The following RBFOX1 variants were observed in gnomAD, a reference collection of about 807,000 sequenced individuals.
RBFOX1 encodes the protein RNA binding protein fox-1 homolog 1.
A neutral mutation model predicts 57.7 loss-of-function variants in RBFOX1; 8 were observed. That is an observed-to-expected ratio of 0.14 (90% CI 0.08 to 0.25). RBFOX1 has a LOEUF of 0.25. RBFOX1 is among the 10% of genes least tolerant of loss of function. The probability of loss-of-function intolerance (pLI) is 1.00; values close to 1 mark genes in which losing one functional copy is unlikely to be tolerated. For synonymous variants in RBFOX1, 326 were observed against 222.4 expected (o/e 1.47, Z -4.15); for missense variants, 611 against 548.5 (o/e 1.11, Z -1.14).
intron 3 of RBFOX1, among the ~76,000 whole-genome samples, chr16:6,882,212 C>A (rs2063088951): frequency 6.6e-6 from 1 of 152,036 alleles, no homozygotes. Flanking sequence ...CAACACTGGG[C>A]AATTTATTTG....
chr16:7,455,540 C>G (rs762313737), intron 4 of RBFOX1, among the ~76,000 whole-genome samples: 1 of 151,938 alleles, frequency 6.6e-6, no homozygotes, highest in Non-Finnish European at 1.5e-5. Flanking sequence ...GCCTGTAATC[C>G]TAGCACATTG....
intron 4 of RBFOX1, among the ~76,000 whole-genome samples, chr16:7,417,896 C>T (rs1410460294): frequency 6.6e-6 from 1 of 152,130 alleles, no homozygotes; most frequent in East Asian, 1.9e-4. Context: ...CTCCCTTTTC[C>T]TGCAGATGTA....
At chr16:6,928,192 G>C (rs1055604148) in intron 3 of RBFOX1, among the ~76,000 whole-genome samples, 1 of 152,152 alleles carries the variant, frequency 6.6e-6, no homozygotes, top group Non-Finnish European at 1.5e-5. Flanking sequence ...GGGAGTGTTA[G>C]AAAAGATTGA....
At chr16:7,132,867 C>A (rs534142834) in intron 4 of RBFOX1, among the ~76,000 whole-genome samples, 4 of 152,204 alleles carry the variant, frequency 2.6e-5, no homozygotes, top group Admixed American at 1.3e-4. Flanking sequence ...AATGCTGCCA[C>A]GTGGTGATAA....
chr16:6,141,694 T>A (rs2096717206), intron 1 of RBFOX1, among the ~76,000 whole-genome samples: 1 of 151,876 alleles, frequency 6.6e-6, no homozygotes, highest in African/African-American at 2.4e-5. Flanking sequence ...TACTGTAATA[T>A]TACAATAAGT....
chr16:5,975,773 G>A (rs1010478796), intron 4 of RBFOX1, among the ~76,000 whole-genome samples: 1 of 152,204 alleles, frequency 6.6e-6, no homozygotes, highest in Non-Finnish European at 1.5e-5. Flanking sequence ...GCTTTGGGTA[G>A]AGCAGTTGTA....
At chr16:6,138,498 T>A in intron 1 of RBFOX1, among the ~76,000 whole-genome samples, 1 of 152,166 alleles carries the variant, frequency 6.6e-6, no homozygotes, top group East Asian at 1.9e-4. Context: ...GTGGCATGTT[T>A]GCCTTTTTAA....
At chr16:7,632,033 C>T (rs890764412) in intron 11 of RBFOX1, among the ~76,000 whole-genome samples, 3 of 152,090 alleles carry the variant, frequency 2.0e-5, no homozygotes, top group African/African-American at 4.8e-5. Flanking sequence ...ACTCAGCCTC[C>T]CAAGTAGCCG....
At chr16:5,469,309 T>C (rs1401670695) in intron 2 of RBFOX1, among the ~76,000 whole-genome samples, 2 of 152,164 alleles carry the variant, frequency 1.3e-5, no homozygotes, top group African/African-American at 2.4e-5. Flanking sequence ...ATTTCAGGAC[T>C]AGTTGGGTGT....
chr16:6,834,115 T>G (rs7196723), intron 3 of RBFOX1, among the ~76,000 whole-genome samples: 80,056 of 151,580 alleles, frequency 0.53, 22,828 homozygotes, highest in East Asian at 0.87. Context: ...CCCGGGCTGG[T>G]GTGCAGTGGT....
At chr16:7,384,832 G>C (rs2097850345) in intron 4 of RBFOX1, among the ~76,000 whole-genome samples, 1 of 152,204 alleles carries the variant, frequency 6.6e-6, no homozygotes, top group Non-Finnish European at 1.5e-5. Flanking sequence ...TGCTGGCATA[G>C]AGCTTATATT....
intron 2 of RBFOX1, among the ~76,000 whole-genome samples, chr16:6,603,579 G>T (rs534980810): frequency 1.3e-5 from 2 of 152,092 alleles, no homozygotes; most frequent in Non-Finnish European, 2.9e-5. Context: ...GAGCCTCTTG[G>T]GGTAGGCTCT....
intron 2 of RBFOX1, among the ~76,000 whole-genome samples, chr16:5,567,695 A>G (rs971584926): frequency 5.3e-5 from 8 of 151,512 alleles, no homozygotes; most frequent in African/African-American, 1.9e-4. Flanking sequence ...ATGTTTAGAC[A>G]AGATTACTGT....
chr16:7,649,547 G>C (rs1426952677), intron 11 of RBFOX1, among the ~76,000 whole-genome samples: 1 of 151,956 alleles, frequency 6.6e-6, no homozygotes, highest in Non-Finnish European at 1.5e-5. Context: ...TAATGGTTGT[G>C]TTGCTTGCAT....
In RBFOX1 at chr16:6,663,050, C is replaced by A. The variant is rs141790640; in HGVS notation, c.-16+8400C>A. 2.2e-3 allele frequency among the ~76,000 whole-genome samples: 330 copies of A among 152,236 alleles called. 4 individuals carry two copies. The highest frequency in any genetic ancestry group is 7.4e-3 in the African/African-American group (308 of 41,530). ...TTTCTTGTTTGCATTTTGTAAGTTT[C>A]AAACTCTCCTTGTGTGCAGGAGGGA... On this transcript the variant is annotated intron_variant, in intron 3 of 15. Coordinates refer to ENST00000550418, the MANE Select transcript of RBFOX1 (RefSeq NM_018723.4).
chr16:5,668,398 C>T (rs1487517201), intron 3 of RBFOX1, among the ~76,000 whole-genome samples: 1 of 152,170 alleles, frequency 6.6e-6, no homozygotes, highest in East Asian at 1.9e-4. Context: ...GACCTTAACA[C>T]AGAGCTTTAG....
At chr16:5,467,272 C>G in intron 2 of RBFOX1, 3 of 1,480,984 alleles carry the variant, frequency 2.0e-6, no homozygotes, top group Non-Finnish European at 2.7e-6. Context: ...CTCATTTTGT[C>G]CTGACTTAGG....
chr16:5,758,381 G>A (rs1308629984), intron 3 of RBFOX1, among the ~76,000 whole-genome samples: 1 of 152,148 alleles, frequency 6.6e-6, no homozygotes, highest in African/African-American at 2.4e-5. Context: ...GTAACTGCGA[G>A]CTTGGTCCCT....
chr16:5,639,127 C>T (rs950122400), intron 3 of RBFOX1, among the ~76,000 whole-genome samples: 3 of 152,208 alleles, frequency 2.0e-5, no homozygotes, highest in African/African-American at 7.2e-5. Flanking sequence ...GGTTCTTTTG[C>T]TCTGATCCTG....
Sources: allele counts gnomAD v4.1 joint callset (sites outside exome capture counted in the v4.1 genomes callset), GRCh38; gene constraint gnomAD v4.1.1; transcripts MANE v1.5; gene names NCBI Gene and HGNC (gene_info 2026-07-23, HGNC 2026-07-21).